RASGRP3: variants seen among roughly 807,000 people sequenced by gnomAD.
RASGRP3 encodes RAS guanyl releasing protein 3, also known as ras guanyl-releasing protein 3.
RASGRP3 carries 54 observed loss-of-function variants against 82.7 expected under a neutral mutation model. That is an observed-to-expected ratio of 0.65 (90% confidence interval 0.52 to 0.82). The LOEUF is 0.82. Among genes scored for constraint, RASGRP3 ranks in the 40% least tolerant of loss-of-function variants. The probability of loss-of-function intolerance (pLI) is 0.00; values close to 1 mark genes in which losing one functional copy is unlikely to be tolerated. For missense variants in RASGRP3, 861 were observed against 828.9 expected, an observed-to-expected ratio of 1.04 and a Z score of -0.48; for synonymous variants, 309 against 300.5, an observed-to-expected ratio of 1.03 and a Z score of -0.29.
At chr2:33,538,126 T>A (rs1294470949) in intron 11 of RASGRP3, among the ~76,000 whole-genome samples, 3 of 152,330 alleles carry the variant, frequency 2.0e-5, no homozygotes, top group Non-Finnish European at 4.4e-5. Flanking sequence ...TGGATTGTTA[T>A]ATAAAAGTTT....
chr2:33,488,858 C>A (rs990338227), intron 1 of RASGRP3, among the ~76,000 whole-genome samples: 4 of 152,254 alleles, frequency 2.6e-5, no homozygotes, highest in African/African-American at 9.6e-5. Context: ...ATCGAGTATT[C>A]ATTTGGAAAC....
intron 1 of RASGRP3, among the ~76,000 whole-genome samples, chr2:33,500,680 A>T (rs1669784566): frequency 6.6e-6 from 1 of 152,234 alleles, no homozygotes; most frequent in Non-Finnish European, 1.5e-5. Flanking sequence ...CCACGCCTGT[A>T]ATCCCAGCAC....
chr2:33,438,333 CG>C (rs1283299687), intron 1 of RASGRP3, among the ~76,000 whole-genome samples: 2 of 152,162 alleles, frequency 1.3e-5, no homozygotes, highest in Non-Finnish European at 2.9e-5. Flanking sequence ...GAGACCGAGG[CG>C]GGTGGATCAC....
Position 33,563,478 on chromosome 2 carries a change from T to TTAAA in RASGRP3, c.*744_*747dup, listed in dbSNP as rs1676917432. The TTAAA allele has an allele frequency of 1.3e-5, 2 of 152,320 alleles. No individual in the cohort carries two copies. Among genetic ancestry groups the TTAAA allele is most frequent in the East Asian group, 1.9e-4 (1 of 5,194 alleles). 9.4% of individuals were successfully genotyped at this position (152,320 alleles called of 1,614,324 possible). Reference sequence around the variant, plus strand: ...TCGTGAAAGCTCTCCTAATACTTACTTAAATAGCCATGGAAGAAAATTATG... The same window carrying TTAAA: ...TCGTGAAAGCTCTCCTAATACTTACTTAAATAAATAGCCATGGAAGAAAATTATG... On this transcript the variant is annotated 3_prime_UTR_variant, in exon 18 of 18. Coordinates refer to ENST00000403687, the MANE Select transcript of RASGRP3 (RefSeq NM_001139488.2).
chr2:33,449,388 A>G lies in RASGRP3; in HGVS notation c.-261+1445A>G, dbSNP rs1665665306. ...ACATAATACGTTATACTATGTAGATAGCATAGAATATTGTGCAGGAATCTA... is the reference window on the plus strand; with the variant it reads ...ACATAATACGTTATACTATGTAGATGGCATAGAATATTGTGCAGGAATCTA... On this transcript the variant is annotated intron_variant, in intron 2 of 18. Transcript: ENST00000402538. 5.3e-5 allele frequency among the ~76,000 whole-genome samples: 8 copies of G among 152,380 alleles called. No individual in the cohort carries two copies. In the South Asian group the frequency reaches 1.7e-3, roughly 32 times the overall value.
chr2:33,440,979 A>G (rs1260373629), intron 1 of RASGRP3, among the ~76,000 whole-genome samples: 3 of 151,936 alleles, frequency 2.0e-5, no homozygotes, highest in African/African-American at 7.3e-5. Flanking sequence ...TGCAGCCTCC[A>G]CCTCCAGGGC....
chr2:33,562,624 A>C, intron 17 of RASGRP3, 105 bp from the exon 18 acceptor site: 1 of 1,273,128 alleles, frequency 7.9e-7, no homozygotes, highest in Non-Finnish European at 1.1e-6. Flanking sequence ...GGTACTGATC[A>C]TTTCAGATGT....
chr2:33,516,169 G>A lies in RASGRP3; in HGVS notation c.71-373G>A, dbSNP rs186793992. On this transcript the variant is annotated intron_variant, in intron 3 of 17. Coordinates refer to ENST00000403687, the MANE Select transcript of RASGRP3 (RefSeq NM_001139488.2). Reference sequence around the variant, plus strand: ...TCACGCCTGTAATCCCAGCACTTTGGGAGGCTGAGGTGGGCGGATCATGAG... The same window carrying A: ...TCACGCCTGTAATCCCAGCACTTTGAGAGGCTGAGGTGGGCGGATCATGAG... 1.4e-3 allele frequency among the ~76,000 whole-genome samples: 218 copies of A among 152,310 alleles called. 1 individual carries two copies. The highest frequency in any genetic ancestry group is 5.0e-3 in the African/African-American group (206 of 41,574).
At chr2:33,469,280 G>A (rs182429786) in intron 2 of RASGRP3, among the ~76,000 whole-genome samples, 2 of 152,040 alleles carry the variant, frequency 1.3e-5, no homozygotes, top group East Asian at 1.9e-4. Context: ...TTTGATTACC[G>A]TTGGATTATA....
At chr2:33,524,739 G>A (rs1393115900) in intron 9 of RASGRP3, among the ~76,000 whole-genome samples, 191 bp downstream of exon 9, 3 of 152,162 alleles carry the variant, frequency 2.0e-5, no homozygotes, top group Admixed American at 1.3e-4. Context: ...ACAGGTTGGA[G>A]GTGGTGGTAA....
intron 1 of RASGRP3, among the ~76,000 whole-genome samples, chr2:33,445,546 A>G (rs553545510): frequency 7.9e-5 from 12 of 152,306 alleles, no homozygotes; most frequent in South Asian, 2.1e-4. Context: ...ATAGAAACAA[A>G]GTTATAAATA....
At chr2:33,478,718 T>C (rs2150930806) in intron 1 of RASGRP3, among the ~76,000 whole-genome samples, 2 of 152,368 alleles carry the variant, frequency 1.3e-5, no homozygotes, top group South Asian at 4.1e-4. Flanking sequence ...GATTTAACTC[T>C]TTCGTATCAA....
chr2:33,460,137 A>G (rs1047991868), intron 2 of RASGRP3, among the ~76,000 whole-genome samples: 2 of 152,254 alleles, frequency 1.3e-5, no homozygotes, highest in Non-Finnish European at 2.9e-5. Context: ...AACTGGGAAC[A>G]TTTCAAATAT....
At chr2:33,473,684 G>C (rs942612231), upstream of RASGRP3, among the ~76,000 whole-genome samples, 2 of 152,178 alleles carry the variant, frequency 1.3e-5, no homozygotes, top group African/African-American at 4.8e-5. Flanking sequence ...AGAACCTTTA[G>C]TCACACTCCT....
chr2:33,528,756 A>T (rs145125850), intron 10 of RASGRP3, among the ~76,000 whole-genome samples: 1 of 152,310 alleles, frequency 6.6e-6, no homozygotes, highest in African/African-American at 2.4e-5. Flanking sequence ...CCTTCAAATA[A>T]AGCAGAAGTG....
intron 2 of RASGRP3, among the ~76,000 whole-genome samples, chr2:33,471,087 T>G (rs957455850): frequency 6.6e-6 from 1 of 152,184 alleles, no homozygotes; most frequent in Non-Finnish European, 1.5e-5. Flanking sequence ...ATTTGAGATT[T>G]GAATTAACAT....
intron 2 of RASGRP3, among the ~76,000 whole-genome samples, chr2:33,466,537 G>A (rs1666707087): frequency 6.6e-6 from 1 of 152,120 alleles, no homozygotes; most frequent in Non-Finnish European, 1.5e-5. Context: ...AAATTGGCCG[G>A]GCATGGTGGT....
At chr2:33,505,545 G>A (rs569515539) in intron 1 of RASGRP3, among the ~76,000 whole-genome samples, 6 of 152,076 alleles carry the variant, frequency 3.9e-5, no homozygotes, top group East Asian at 1.9e-4. Context: ...CAGGTGATCC[G>A]CCCACAGCCT....
At chr2:33,558,594 G>T (rs78262194) in intron 16 of RASGRP3, 78 bp from the exon 17 acceptor site, 4 of 1,304,696 alleles carry the variant, frequency 3.1e-6, no homozygotes, top group Non-Finnish European at 4.2e-6. Flanking sequence ...TGCCAGACTC[G>T]TGCTGTTTGC....
Sources: gnomAD v4.1 joint callset for allele counts (sites outside exome capture counted in the v4.1 genomes callset) on GRCh38, gnomAD v4.1.1 for gene constraint, MANE v1.5 for transcripts, NCBI Gene and HGNC (gene_info 2026-07-23, HGNC 2026-07-21) for gene names.